The following ESRRG variants were observed in gnomAD, a reference collection of about 807,000 sequenced individuals.
The protein encoded by ESRRG is estrogen related receptor gamma.
In ESRRG, 13 loss-of-function variants were observed where a neutral mutation model predicts 44.0. The ratio of observed to expected loss-of-function variants is 0.30; its 90% confidence interval spans 0.19 to 0.47. The LOEUF is 0.47. Ranked by LOEUF, ESRRG falls within the 20% of genes least tolerant of loss-of-function variation. ESRRG has a pLI of 1.00. For missense variants in ESRRG, 395 were observed against 580.6 expected, an observed-to-expected ratio of 0.68 and a Z score of 3.29; for synonymous variants, 215 against 214.6, an observed-to-expected ratio of 1.00 and a Z score of -0.02.
At chr1:216,534,556 A>C (rs2050342609) in intron 5 of ESRRG, among the ~76,000 whole-genome samples, 1 of 152,284 alleles carries the variant, frequency 6.6e-6, no homozygotes, top group Admixed American at 6.5e-5. Flanking sequence ...TAGGCAGGGA[A>C]AATAACATTG....
chr1:216,759,351 T>A (rs1319645968), intron 2 of ESRRG, among the ~76,000 whole-genome samples: 5 of 152,086 alleles, frequency 3.3e-5, no homozygotes, highest in Admixed American at 2.6e-4. Flanking sequence ...CCAAGTTCTC[T>A]GACTTAGTCT....
At chr1:216,820,986 T>C (rs1257793037) in intron 2 of ESRRG, among the ~76,000 whole-genome samples, 2 of 152,190 alleles carry the variant, frequency 1.3e-5, no homozygotes, top group Admixed American at 1.3e-4. Flanking sequence ...TTTTTGAAAA[T>C]ATTTCTAGAA....
intron 2 of ESRRG, among the ~76,000 whole-genome samples, chr1:216,798,319 G>A (rs1255908980): frequency 1.3e-5 from 2 of 152,120 alleles, no homozygotes; most frequent in African/African-American, 4.8e-5. Context: ...AGGCTTCCCT[G>A]AGGAGGTGAA....
At chr1:216,775,148 T>C (rs1322177266) in intron 2 of ESRRG, among the ~76,000 whole-genome samples, 1 of 151,990 alleles carries the variant, frequency 6.6e-6, no homozygotes, top group Non-Finnish European at 1.5e-5. Context: ...GATATGTGTA[T>C]TGTAGTAAAA....
At chr1:217,091,435 A>G (rs1051624542), upstream of ESRRG, among the ~76,000 whole-genome samples, 7 of 152,234 alleles carry the variant, frequency 4.6e-5, no homozygotes, top group Non-Finnish European at 8.8e-5. Flanking sequence ...AGTTTAATGA[A>G]AACAGCAAGT....
In ESRRG at chr1:216,541,611, T is replaced by TGTGTGTGTGTGA. The variant is rs753149020; in HGVS notation, c.863-22191_863-22190insTCACACACACAC. ...GTGTGTGTGTGTGTGTGTGTGTATG[T>TGTGTGTGTGTGA]GATCAGCTATTCATACCCTGGCCAA... is the stretch of plus-strand genomic sequence containing the variant. On this transcript the variant is annotated intron_variant, in intron 5 of 6. Coordinates refer to ENST00000408911, the MANE Select transcript of ESRRG (RefSeq NM_001438.4). Among the ~76,000 whole-genome samples the TGTGTGTGTGTGA allele has an allele frequency of 3.5e-4, 52 of 148,750 alleles. 2 individuals are homozygous for TGTGTGTGTGTGA. Among genetic ancestry groups the TGTGTGTGTGTGA allele is most frequent in the Non-Finnish European group, 7.1e-4 (48 of 67,240 alleles).
chr1:216,653,611 C>T (rs2069585376), intron 2 of ESRRG, among the ~76,000 whole-genome samples: 1 of 152,094 alleles, frequency 6.6e-6, no homozygotes, highest in Non-Finnish European at 1.5e-5. Context: ...AAAATTATTT[C>T]CAAGCCTCCT....
At chr1:217,087,652 C>T (rs774581422) in intron 1 of ESRRG, among the ~76,000 whole-genome samples, 4 of 152,172 alleles carry the variant, frequency 2.6e-5, no homozygotes, top group African/African-American at 9.7e-5. Flanking sequence ...AGGGAACAAT[C>T]TTCTATCTCC....
chr1:216,986,919 T>C (rs936716672), intron 1 of ESRRG, among the ~76,000 whole-genome samples: 7 of 152,152 alleles, frequency 4.6e-5, no homozygotes, highest in African/African-American at 1.7e-4. Flanking sequence ...AAAGAAGACA[T>C]TTTAAACCAT....
At chr1:216,799,175 A>T (rs1157786498) in intron 2 of ESRRG, among the ~76,000 whole-genome samples, 3 of 152,110 alleles carry the variant, frequency 2.0e-5, no homozygotes, top group South Asian at 4.1e-4. Flanking sequence ...TGCAATTCCT[A>T]TCAGACCCTT....
At chr1:216,965,306 A>G (rs1227964972) in intron 1 of ESRRG, among the ~76,000 whole-genome samples, 2 of 152,144 alleles carry the variant, frequency 1.3e-5, no homozygotes, top group South Asian at 2.1e-4. Flanking sequence ...AAGATGTTCT[A>G]TGGTCCTGGA....
intron 6 of ESRRG, among the ~76,000 whole-genome samples, chr1:216,517,853 G>T (rs1188261797): frequency 6.6e-6 from 1 of 152,094 alleles, no homozygotes; most frequent in African/African-American, 2.4e-5. Flanking sequence ...ATGGTGTGGT[G>T]AGGAAGAGGG....
intron 1 of ESRRG, among the ~76,000 whole-genome samples, chr1:217,019,911 G>T (rs2150904703): frequency 6.6e-6 from 1 of 152,308 alleles, no homozygotes; most frequent in East Asian, 1.9e-4. Context: ...TAATTAGAAA[G>T]TATTTCTAAT....
chr1:217,117,147 G>T (rs919066243), intron 1 of ESRRG, among the ~76,000 whole-genome samples: 15 of 152,298 alleles, frequency 9.8e-5, no homozygotes, highest in Non-Finnish European at 1.8e-4. Flanking sequence ...ATCCTGAATT[G>T]CATACTAAAC....
intron 2 of ESRRG, among the ~76,000 whole-genome samples, chr1:216,848,828 T>C (rs1010256141): frequency 3.3e-5 from 5 of 152,108 alleles, no homozygotes; most frequent in Admixed American, 2.6e-4. Flanking sequence ...CTTTGAAGAA[T>C]CACCGAGAAA....
chr1:216,651,171 T>A (rs995690810), intron 2 of ESRRG, 82 bp from the exon 3 acceptor site: 5 of 849,698 alleles, frequency 5.9e-6, no homozygotes, highest in Non-Finnish European at 8.2e-6. Flanking sequence ...GTCAACTCTA[T>A]TATTCTTACT....
At chr1:216,960,082 A>G (rs2068735046) in intron 1 of ESRRG, among the ~76,000 whole-genome samples, 1 of 152,158 alleles carries the variant, frequency 6.6e-6, no homozygotes, top group Admixed American at 6.6e-5. Flanking sequence ...ATGTGTGTGT[A>G]TGTACATTTA....
At chr1:216,854,353 C>CAAAAAAAAA (rs57421256) in intron 2 of ESRRG, among the ~76,000 whole-genome samples, 3 of 67,118 alleles carry the variant, frequency 4.5e-5, no homozygotes, top group African/African-American at 5.8e-5. Flanking sequence ...AAGACACCAT[C>CAAAAAAAAA]AAAAAAAAAA....
intron 2 of ESRRG, among the ~76,000 whole-genome samples, chr1:216,914,275 T>A (rs544850059): frequency 5.3e-5 from 8 of 152,282 alleles, no homozygotes; most frequent in African/African-American, 1.9e-4. Context: ...AGAGGAAAAT[T>A]CTGGTTTTTT....
Sources: gnomAD v4.1 joint callset for allele counts (sites outside exome capture counted in the v4.1 genomes callset) on GRCh38, gnomAD v4.1.1 for gene constraint, MANE v1.5 for transcripts, NCBI Gene and HGNC (gene_info 2026-07-23, HGNC 2026-07-21) for gene names.